Variants in CABLES1 observed in about 807,000 individuals in gnomAD.
CABLES1 encodes the protein Cdk5 and Abl enzyme substrate 1.
In CABLES1, 36 loss-of-function variants were observed where a neutral mutation model predicts 57.8. The ratio of observed to expected loss-of-function variants is 0.62; its 90% CI spans 0.48 to 0.82. The LOEUF (loss-of-function observed/expected upper bound fraction) is 0.82, where lower values mean the gene tolerates loss of function less well. Among genes scored for constraint, CABLES1 ranks in the 40% least tolerant of loss-of-function variants. The pLI is 0.00. For synonymous variants in CABLES1, 374 were observed against 363.0 expected, an observed-to-expected ratio of 1.03 and a Z score of -0.35; for missense variants, 767 against 836.6, an observed-to-expected ratio of 0.92 and a Z score of 1.03.
intron 1 of CABLES1, among the ~76,000 whole-genome samples, chr18:23,162,942 G>A (rs879610252): frequency 5.3e-5 from 8 of 152,212 alleles, no homozygotes; most frequent in Non-Finnish European, 1.2e-4. Context: ...AGAGCAACAA[G>A]TTAGAGTTAG....
In CABLES1 at chr18:23,206,779, G is replaced by C. The variant is rs574002405; in HGVS notation, c.1011-7198G>C. ...CAGTATTAAACAAAAAATTTAAACA[G>C]CATTTCTGTTCATTTTCACATTCTT... On this transcript the variant is annotated intron_variant, in intron 3 of 9. Coordinates refer to ENST00000256925, the MANE Select transcript of CABLES1 (RefSeq NM_001100619.3). 8.0e-5 allele frequency among the ~76,000 whole-genome samples: 12 copies of C among 150,282 alleles called. No homozygotes were observed. In the East Asian group the frequency reaches 2.1e-3, roughly 27 times the overall value.
chr18:23,176,274 T>A (rs2047122353), intron 1 of CABLES1, among the ~76,000 whole-genome samples: 1 of 152,102 alleles, frequency 6.6e-6, no homozygotes, highest in Non-Finnish European at 1.5e-5. Context: ...CTGAGATCAT[T>A]GGGCATTAAA....
At chr18:23,150,298 T>TCC (rs1450525024) in intron 1 of CABLES1, among the ~76,000 whole-genome samples, 4 of 134,138 alleles carry the variant, frequency 3.0e-5, no homozygotes, top group African/African-American at 1.1e-4. Context: ...CAGCTCCACC[T>TCC]CCCGCGTTCA....
intron 4 of CABLES1, among the ~76,000 whole-genome samples, chr18:23,217,921 GAGTCAGCAA>G (rs2047454106): frequency 6.6e-6 from 1 of 152,248 alleles, no homozygotes; most frequent in Admixed American, 6.5e-5. Context: ...ACACCTGGCA[GAGTCAGCAA>G]CACCGGAATT....
At chr18:23,189,305 C>T (rs1202661206) in intron 2 of CABLES1, 6 of 173,512 alleles carry the variant, frequency 3.5e-5, no homozygotes, top group Non-Finnish European at 7.4e-5. Context: ...GAGGTAACCA[C>T]GATGTCGCTC....
intron 1 of CABLES1, among the ~76,000 whole-genome samples, chr18:23,175,970 A>G (rs2047120495): frequency 6.6e-6 from 1 of 152,252 alleles, no homozygotes. Flanking sequence ...CAACCAATCT[A>G]CAAGTATTTA....
intron 1 of CABLES1, among the ~76,000 whole-genome samples, chr18:23,176,115 T>C (rs1460004421): frequency 1.3e-5 from 2 of 152,140 alleles, no homozygotes; most frequent in Non-Finnish European, 2.9e-5. Context: ...AGATTCTGAA[T>C]TTTCTTTTGA....
At chr18:23,246,431 G>A (rs571803370) in intron 7 of CABLES1, among the ~76,000 whole-genome samples, 18 of 151,608 alleles carry the variant, frequency 1.2e-4, no homozygotes, top group Non-Finnish European at 2.2e-4. Context: ...TTGCTCTGTC[G>A]CCCAGGCTGA....
At chr18:23,254,531 TC>T (rs1174144633) in intron 9 of CABLES1, among the ~76,000 whole-genome samples, 6 of 152,148 alleles carry the variant, frequency 3.9e-5, no homozygotes, top group African/African-American at 1.4e-4. Context: ...TTGTTACAGT[TC>T]CCAAGAGGAG....
intron 9 of CABLES1, among the ~76,000 whole-genome samples, chr18:23,256,268 C>T (rs1279746215): frequency 3.3e-5 from 5 of 152,214 alleles, no homozygotes; most frequent in Non-Finnish European, 7.3e-5. Flanking sequence ...TCCTTCCTTT[C>T]CAGCTCCAGC....
intron 7 of CABLES1, among the ~76,000 whole-genome samples, chr18:23,250,752 GA>G (rs1402150630): frequency 6.6e-6 from 1 of 152,222 alleles, no homozygotes; most frequent in Non-Finnish European, 1.5e-5. Context: ...GATTGGGCCA[GA>G]AAGACTATGT....
intron 2 of CABLES1, among the ~76,000 whole-genome samples, chr18:23,191,384 C>T (rs779243038): frequency 3.2e-4 from 48 of 152,344 alleles, no homozygotes; most frequent in Non-Finnish European, 5.0e-4. Context: ...CTTAGCCTGA[C>T]TCCAACTGGG....
chr18:23,145,064 T>C (rs1487521223), intron 1 of CABLES1, among the ~76,000 whole-genome samples: 1 of 151,984 alleles, frequency 6.6e-6, no homozygotes, highest in Admixed American at 6.6e-5. Flanking sequence ...GCCTCCCAAG[T>C]AGCTGGGATT....
chr18:23,248,535 TTTTA>T (rs34537445), intron 7 of CABLES1, among the ~76,000 whole-genome samples: 22,292 of 136,700 alleles, frequency 0.16, 2,520 homozygotes, highest in Admixed American at 0.32. Flanking sequence ...TTTTTTTTTT[TTTTA>T]AAAAAAGGCT....
intron 1 of CABLES1, among the ~76,000 whole-genome samples, chr18:23,159,466 TGAGA>T (rs981465057): frequency 6.6e-5 from 10 of 152,252 alleles, no homozygotes; most frequent in Non-Finnish European, 4.4e-5. Context: ...CCTGTTTTCT[TGAGA>T]GAGAAAGGCA....
intron 7 of CABLES1, among the ~76,000 whole-genome samples, chr18:23,244,598 CG>C (rs1320439431): frequency 6.6e-6 from 1 of 152,190 alleles, no homozygotes; most frequent in Non-Finnish European, 1.5e-5. Flanking sequence ...TTAACAAGCA[CG>C]GAACAGCTGC....
chr18:23,228,062 T>C (rs2047540880), intron 4 of CABLES1, among the ~76,000 whole-genome samples: 4 of 152,320 alleles, frequency 2.6e-5, no homozygotes, highest in Admixed American at 2.6e-4. Flanking sequence ...TGGATCACAC[T>C]TTTTCCATCT....
chr18:23,138,243 T>G (rs1598792889), intron 1 of CABLES1, among the ~76,000 whole-genome samples: 1 of 152,176 alleles, frequency 6.6e-6, no homozygotes, highest in Non-Finnish European at 1.5e-5. Context: ...AGAAACTCAT[T>G]TCAGGGGATA....
intron 2 of CABLES1, among the ~76,000 whole-genome samples, chr18:23,193,390 C>A (rs2047259742): frequency 6.6e-6 from 1 of 152,212 alleles, no homozygotes; most frequent in South Asian, 2.1e-4. Context: ...CGGGGTTTCA[C>A]CATATTGGCC....
Sources: gnomAD v4.1 joint callset for allele counts (sites outside exome capture counted in the v4.1 genomes callset) on GRCh38, gnomAD v4.1.1 for gene constraint, MANE v1.5 for transcripts, NCBI Gene and HGNC (gene_info 2026-07-23, HGNC 2026-07-21) for gene names.